RIMKLB: variants seen among roughly 807,000 people sequenced by gnomAD.
RIMKLB encodes the protein beta-citrylglutamate synthase B.
In RIMKLB, 7 loss-of-function variants were observed where a neutral mutation model predicts 32.0. That is an observed-to-expected ratio of 0.22 (90% CI 0.12 to 0.41). The LOEUF is 0.41. Ranked by LOEUF, RIMKLB falls within the 10% of genes least tolerant of loss-of-function variation. The pLI, the probability that RIMKLB is intolerant of heterozygous loss-of-function variation, is 1.00. For synonymous variants in RIMKLB, 172 were observed against 185.1 expected (o/e 0.93, Z 0.57); for missense variants, 289 against 498.7 (o/e 0.58, Z 4.00).
intron 2 of RIMKLB, among the ~76,000 whole-genome samples, chr12:8,740,905 C>T (rs1458256470): frequency 1.3e-5 from 2 of 151,324 alleles, no homozygotes; most frequent in African/African-American, 4.9e-5. Context: ...AAACCCCATC[C>T]CCTCTAAAAA....
upstream of RIMKLB, chr12:8,697,727 C>T: frequency 3.8e-6 from 1 of 260,036 alleles, no homozygotes. Context: ...CCCCCGAGGC[C>T]AGCGATGGCT....
At chr12:8,769,970 AT>A (rs762664306) in intron 5 of RIMKLB, among the ~76,000 whole-genome samples, 656 of 141,206 alleles carry the variant, frequency 4.6e-3, no homozygotes, top group Middle Eastern at 7.5e-3. Context: ...TGTAGCAATA[AT>A]TTTTTTTTTT....
upstream of RIMKLB, among the ~76,000 whole-genome samples, chr12:8,692,883 C>T (rs571218384): frequency 5.3e-5 from 8 of 152,312 alleles, no homozygotes; most frequent in South Asian, 1.5e-3. Flanking sequence ...TCCTTATTTG[C>T]TAGTCAAGGT....
rs1240566175 is a variant in RIMKLB at position 8,754,221 on chromosome 12, TATG to T, written c.697+131_697+133del. ...AAACGTATTTCCTTTTACATGTAAA[TATG>T]ATTTTTACACATGCCATCAATGTAA... On this transcript the variant is annotated intron_variant, in intron 5 of 5. Transcript: ENST00000535829. The T allele has an allele frequency of 3.4e-5, 23 of 673,022 alleles. No homozygotes were observed. In the Admixed American group the frequency reaches 5.9e-4, roughly 17 times the overall value. 41.7% of individuals were successfully genotyped at this position (673,022 alleles called of 1,614,324 possible).
At chr12:8,718,637 G>C (rs931400503) in intron 2 of RIMKLB, among the ~76,000 whole-genome samples, 4 of 136,322 alleles carry the variant, frequency 2.9e-5, no homozygotes, top group East Asian at 4.3e-4. Context: ...GCGAGACTCC[G>C]TCTCTCTCTC....
chr12:8,678,682 C>T (rs1942359050), upstream of RIMKLB: 2 of 152,248 alleles, frequency 1.3e-5, no homozygotes, highest in African/African-American at 4.8e-5. Context: ...AAAGAATGCT[C>T]TGCAGACAAG....
intron 1 of RIMKLB, among the ~76,000 whole-genome samples, chr12:8,698,557 G>C (rs1943071237): frequency 6.6e-6 from 1 of 152,158 alleles, no homozygotes; most frequent in Non-Finnish European, 1.5e-5. Context: ...GCGTGCGACC[G>C]GGCGAGCCGT....
downstream of RIMKLB, chr12:8,778,989 A>G (rs1455230166): frequency 6.6e-6 from 1 of 152,232 alleles, no homozygotes; most frequent in African/African-American, 2.4e-5. Flanking sequence ...AAGCATCTTA[A>G]GACAAAAATA....
chr12:8,775,865 C>CAA lies in RIMKLB; in HGVS notation c.*2081_*2082insAA. 1.0e-6 allele frequency: 1 copy of CAA among 984,864 alleles called. No individual in the cohort carries two copies. Among genetic ancestry groups the CAA allele is most frequent in the Non-Finnish European group, 1.2e-6 (1 of 829,534 alleles). 61.0% of individuals were successfully genotyped at this position (984,864 alleles called of 1,614,324 possible). ...ATTGCATTTAAAAGAACTTATCTTGCGCAGGGTAAATGGGGGACTCACATA... is the reference window on the plus strand; with the variant it reads ...ATTGCATTTAAAAGAACTTATCTTGCAAGCAGGGTAAATGGGGGACTCACATA... On this transcript the variant is annotated 3_prime_UTR_variant, in exon 6 of 6. Transcript: ENST00000535829.
chr12:8,695,297 TTAAAA>T (rs1378671960), upstream of RIMKLB, among the ~76,000 whole-genome samples: 1 of 151,044 alleles, frequency 6.6e-6, no homozygotes, highest in Non-Finnish European at 1.5e-5. Context: ...GAAAAACTAC[TTAAAA>T]TATTTTTGAG....
At position 8,775,092 on chromosome 12, in the gene RIMKLB, A is replaced by G. The variant is rs1479550480; in HGVS notation, c.*1308A>G. On this transcript the variant is annotated 3_prime_UTR_variant, in exon 6 of 6. Coordinates refer to ENST00000535829, the MANE Select transcript of RIMKLB (RefSeq NM_001297776.2). ...TGCTTTTTTAGGCCTTTTTGTGTAT[A>G]TGTACGTTGTTTGTTTTTTTCCTTT... The G allele has an allele frequency of 1.5e-5, 15 of 985,566 alleles. No individual in the cohort carries two copies. The highest frequency in any genetic ancestry group is 5.2e-4 in the Middle Eastern group (1 of 1,936). 61.1% of individuals were successfully genotyped at this position (985,566 alleles called of 1,614,324 possible). A position where few individuals can be genotyped will look rare whatever the true frequency, so the allele number is the denominator to read the frequency against.
At chr12:8,718,338 C>T (rs758488483) in intron 2 of RIMKLB, among the ~76,000 whole-genome samples, 41 of 152,148 alleles carry the variant, frequency 2.7e-4, no homozygotes, top group Middle Eastern at 3.4e-3. Flanking sequence ...GAAGGTTTGT[C>T]GACCTCTTTT....
chr12:8,717,139 A>T (rs1248685149), intron 2 of RIMKLB, among the ~76,000 whole-genome samples: 1 of 145,238 alleles, frequency 6.9e-6, no homozygotes, highest in African/African-American at 2.6e-5. Flanking sequence ...TATTACCATT[A>T]TGCAGATGAG....
chr12:8,676,903 T>C (rs1220047029), upstream of RIMKLB, among the ~76,000 whole-genome samples: 1 of 152,074 alleles, frequency 6.6e-6, no homozygotes, highest in East Asian at 1.9e-4. Flanking sequence ...GGGACTCTAT[T>C]GCTTCTCCAC....
At chr12:8,779,423 A>C (rs1293319618), downstream of RIMKLB, 1 of 152,190 alleles carries the variant, frequency 6.6e-6, no homozygotes, top group Non-Finnish European at 1.5e-5. Context: ...GGCCTCTAGG[A>C]GCATCCGTGG....
At chr12:8,671,569 C>A in the RIMKLB span, among the ~76,000 whole-genome samples, 1 of 151,700 alleles carries the variant, frequency 6.6e-6, no homozygotes, top group African/African-American at 2.4e-5. Context: ...TTTTCTATTG[C>A]ACAGTCAGGT....
intron 2 of RIMKLB, among the ~76,000 whole-genome samples, chr12:8,739,329 C>T (rs943172290): frequency 5.9e-5 from 9 of 152,252 alleles, no homozygotes; most frequent in African/African-American, 1.9e-4. Flanking sequence ...TACAAGCTCT[C>T]ATCTCTTCCT....
intron 1 of RIMKLB, among the ~76,000 whole-genome samples, chr12:8,682,577 C>T (rs1942439580): frequency 1.3e-5 from 2 of 151,842 alleles, no homozygotes; most frequent in Admixed American, 6.6e-5. Context: ...TCGAGACCAT[C>T]CTGGCTAACA....
chr12:8,724,314 TC>T (rs775901106), intron 2 of RIMKLB, among the ~76,000 whole-genome samples: 162 of 152,358 alleles, frequency 1.1e-3, no homozygotes, highest in Non-Finnish European at 2.1e-3. Context: ...TTTTTTTTCT[TC>T]CTGATCTTGT....
Sources: allele counts gnomAD v4.1 joint callset (sites outside exome capture counted in the v4.1 genomes callset), GRCh38; gene constraint gnomAD v4.1.1; transcripts MANE v1.5; gene names NCBI Gene and HGNC (gene_info 2026-07-23, HGNC 2026-07-21).